MAP3K2: variants seen among roughly 807,000 people sequenced by gnomAD.
MAP3K2 encodes mitogen-activated protein kinase kinase kinase 2.
In MAP3K2, 24 loss-of-function variants were observed where a neutral mutation model predicts 80.3. The ratio of observed to expected loss-of-function variants is 0.30; its 90% CI spans 0.22 to 0.42. The LOEUF is 0.42. Among genes scored for constraint, MAP3K2 ranks in the 10% least tolerant of loss-of-function variants. The pLI is 1.00. For missense variants in MAP3K2, 608 were observed against 750.1 expected, an observed-to-expected ratio of 0.81 and a Z score of 2.21; for synonymous variants, 244 against 253.7, an observed-to-expected ratio of 0.96 and a Z score of 0.36.
intron 1 of MAP3K2, among the ~76,000 whole-genome samples, chr2:127,352,660 A>G (rs1347705782): frequency 6.6e-6 from 1 of 152,048 alleles, no homozygotes; most frequent in East Asian, 1.9e-4. Flanking sequence ...GCAGTAAGTT[A>G]AAAAAGAGTG....
intron 15 of MAP3K2, among the ~76,000 whole-genome samples, chr2:127,309,556 T>C (rs1458566013): frequency 2.0e-5 from 3 of 152,120 alleles, no homozygotes; most frequent in African/African-American, 7.2e-5. Context: ...TTTTCCCTAA[T>C]ATCATTTTTC....
At chr2:127,360,652 T>C (rs191077739) in intron 1 of MAP3K2, among the ~76,000 whole-genome samples, 3 of 152,358 alleles carry the variant, frequency 2.0e-5, no homozygotes, top group African/African-American at 2.4e-5. Context: ...ACTCTGATCA[T>C]TGATTTTAGG....
At chr2:127,323,834 A>T (rs952559116) in intron 11 of MAP3K2, 68 bp downstream of exon 11, 29 of 713,730 alleles carry the variant, frequency 4.1e-5, no homozygotes, top group Non-Finnish European at 5.4e-5. Context: ...GTTTTAAAAA[A>T]TTTTTGTATT....
Position 127,310,961 on chromosome 2 carries a change from C to A in MAP3K2, c.1457-2199G>T, listed in dbSNP as rs376979419. 6.6e-6 allele frequency among the ~76,000 whole-genome samples: 1 copy of A among 152,196 alleles called. No homozygotes were observed. Among genetic ancestry groups the A allele is most frequent in the African/African-American group, 2.4e-5 (1 of 41,530 alleles). ...AACCATATTTTATATTACAAAGATTCATTTTCTTGGTTCTCTTACCCTTTT... is the reference window on the plus strand; with the variant it reads ...AACCATATTTTATATTACAAAGATTAATTTTCTTGGTTCTCTTACCCTTTT... On this transcript the variant is annotated intron_variant, in intron 15 of 16. Transcript: ENST00000682094. This position sits in a 1 kb window ranked among gnomAD's most constrained non-coding sequence, Gnocchi z 4.8.
intron 12 of MAP3K2, among the ~76,000 whole-genome samples, chr2:127,319,662 AAAAAAAAAAAAAAAAAG>A (rs1685976356): frequency 7.0e-6 from 1 of 143,672 alleles, no homozygotes; most frequent in Non-Finnish European, 1.5e-5. Context: ...AAAAAAAAAA[AAAAAAAAAAAAAAAAAG>A]AAAAAGAAAA....
chr2:127,387,632 C>T lies in MAP3K2; in HGVS notation c.-246G>A. Reference sequence around the variant, plus strand: ...CGCGGGCCTTGGGGCCAGGCCCGTCCCTCTTTCACATGAAGCCCGGGCCGG... The same window carrying T: ...CGCGGGCCTTGGGGCCAGGCCCGTCTCTCTTTCACATGAAGCCCGGGCCGG... On this transcript the variant is annotated 5_prime_UTR_variant, in exon 1 of 17. Coordinates refer to ENST00000682094, the MANE Select transcript of MAP3K2 (RefSeq NM_001371910.2). The T allele has an allele frequency of 1.0e-6, 1 of 985,034 alleles. No homozygotes were observed. Among genetic ancestry groups the T allele is most frequent in the Non-Finnish European group, 1.2e-6 (1 of 829,792 alleles). 61.0% of individuals were successfully genotyped at this position (985,034 alleles called of 1,614,324 possible).
chr2:127,375,959 T>C (rs1687145021), intron 1 of MAP3K2, among the ~76,000 whole-genome samples: 1 of 152,162 alleles, frequency 6.6e-6, no homozygotes, highest in African/African-American at 2.4e-5. Context: ...TATTTACTAA[T>C]GCTAGGATGC....
intron 7 of MAP3K2, among the ~76,000 whole-genome samples, chr2:127,327,906 G>A (rs1352842251): frequency 1.3e-5 from 2 of 152,166 alleles, no homozygotes; most frequent in East Asian, 3.8e-4. Context: ...GAGGTATTCA[G>A]TGTAATTTTA....
At chr2:127,346,177 G>T (rs1686591579) in intron 1 of MAP3K2, among the ~76,000 whole-genome samples, 1 of 151,604 alleles carries the variant, frequency 6.6e-6, no homozygotes, top group African/African-American at 2.4e-5. Flanking sequence ...GAAATAAAAA[G>T]GATAAGAGAA....
At chr2:127,341,346 T>C (rs1041100147) in intron 2 of MAP3K2, among the ~76,000 whole-genome samples, 8 of 151,900 alleles carry the variant, frequency 5.3e-5, no homozygotes, top group African/African-American at 1.5e-4. Context: ...TTTTCTGTTA[T>C]ATATGTAAAA....
intron 1 of MAP3K2, among the ~76,000 whole-genome samples, chr2:127,369,533 T>C (rs2104885507): frequency 6.8e-6 from 1 of 147,654 alleles, no homozygotes; most frequent in African/African-American, 2.5e-5. Flanking sequence ...TCATCTTAGA[T>C]TGGAGATCTC....
rs1341292856 is a variant in MAP3K2 at position 127,387,714 on chromosome 2, G to T, written c.-328C>A. 1.0e-6 allele frequency: 1 copy of T among 985,086 alleles called. No homozygotes were observed. The allele number at this position is 985,086 out of a possible 1,614,324, so 61.0% of individuals were successfully genotyped here. ...CGGCCGGGTCCTCCTGGCGCTCCTCGGCACTTCTAGCCGCTGCAACCCCGA... is the reference window on the plus strand; with the variant it reads ...CGGCCGGGTCCTCCTGGCGCTCCTCTGCACTTCTAGCCGCTGCAACCCCGA... On this transcript the variant is annotated 5_prime_UTR_variant, in exon 1 of 17. Coordinates refer to ENST00000682094, the MANE Select transcript of MAP3K2 (RefSeq NM_001371910.2).
chr2:127,376,092 G>C (rs1687147135), intron 1 of MAP3K2, among the ~76,000 whole-genome samples: 1 of 152,134 alleles, frequency 6.6e-6, no homozygotes, highest in African/African-American at 2.4e-5. Flanking sequence ...ATCAGTCAGG[G>C]TGATGGGAAA....
rs1685608464 is a variant in MAP3K2 at position 127,302,291 on chromosome 2, G to A, written c.*5288C>T. On this transcript the variant is annotated 3_prime_UTR_variant, in exon 17 of 17. Transcript: ENST00000682094. ...TTTGTACTAGCTACTTCTGGAAAAT[G>A]TACTGGTGTTCCTACCCAAGGATGA... 6.6e-6 allele frequency: 1 copy of A among 152,066 alleles called. No individual in the cohort carries two copies. Among genetic ancestry groups the A allele is most frequent in the Non-Finnish European group, 1.5e-5 (1 of 68,020 alleles). 9.4% of individuals were successfully genotyped at this position (152,066 alleles called of 1,614,324 possible).
Position 127,354,966 on chromosome 2 carries a change from A to G in MAP3K2, c.-65-11772T>C, listed in dbSNP as rs150346613. 7.1e-3 allele frequency among the ~76,000 whole-genome samples: 1,075 copies of G among 152,296 alleles called. 9 individuals are homozygous for G. The highest frequency in any genetic ancestry group is 0.012 in the Non-Finnish European group (823 of 68,032). On this transcript the variant is annotated intron_variant, in intron 1 of 16. Coordinates refer to ENST00000682094, the MANE Select transcript of MAP3K2 (RefSeq NM_001371910.2). ...TGAATGAAATAACAGTAAATCAGAC[A>G]TCGGAGAAAAAGATTAGTAAACACA...
chr2:127,325,715 C>T lies in MAP3K2; in HGVS notation c.677+13G>A, dbSNP rs377538580. 1.8e-5 allele frequency: 29 copies of T among 1,596,968 alleles called. No homozygotes were observed. Among genetic ancestry groups the T allele is most frequent in the East Asian group, 6.7e-5 (3 of 44,770 alleles). ...AAACAAATAAACCCTCCAAAAACTACGATAAACATTACCCATCCAAAGGAC... is the reference window on the plus strand; with the variant it reads ...AAACAAATAAACCCTCCAAAAACTATGATAAACATTACCCATCCAAAGGAC... On this transcript the variant is annotated intron_variant, in intron 9 of 16. Coordinates refer to ENST00000682094, the MANE Select transcript of MAP3K2 (RefSeq NM_001371910.2).
At chr2:127,350,457 A>AAAC (rs1351006237) in intron 1 of MAP3K2, among the ~76,000 whole-genome samples, 95 of 144,966 alleles carry the variant, frequency 6.6e-4, no homozygotes, top group Non-Finnish European at 9.9e-4. Context: ...ACAAAAACAA[A>AAAC]AAAAAAAAAA....
chr2:127,332,596 T>A (rs554969162), intron 5 of MAP3K2, among the ~76,000 whole-genome samples: 1 of 152,358 alleles, frequency 6.6e-6, no homozygotes, highest in African/African-American at 2.4e-5. Context: ...AGTCCCAGGT[T>A]ATCTACATTA....
rs1686021770 is a variant in MAP3K2 at position 127,321,652 on chromosome 2, A to G, written c.1045+394T>C. Among the ~76,000 whole-genome samples the G allele has an allele frequency of 6.6e-6, 1 of 152,190 alleles. No homozygotes were observed. The highest frequency in any genetic ancestry group is 6.5e-5 in the Admixed American group (1 of 15,284). ...TAGATGATGTTATGGCCTCTTGCACATTATCTCCTCAGCTGGTGATTTCTA... is the reference window on the plus strand; with the variant it reads ...TAGATGATGTTATGGCCTCTTGCACGTTATCTCCTCAGCTGGTGATTTCTA... On this transcript the variant is annotated intron_variant, in intron 12 of 16. Transcript: ENST00000682094. This position sits in a 1 kb window ranked among gnomAD's most constrained non-coding sequence, Gnocchi z 4.4.
Sources: gnomAD v4.1 joint callset for allele counts (sites outside exome capture counted in the v4.1 genomes callset) on GRCh38, gnomAD v4.1.1 for gene constraint, Gnocchi (gnomAD v3.1) non-coding constraint, MANE v1.5 for transcripts, NCBI Gene and HGNC (gene_info 2026-07-23, HGNC 2026-07-21) for gene names.